Variants in BMP1 observed in about 807,000 individuals in gnomAD.
BMP1 encodes bone morphogenetic protein 1.
A neutral mutation model predicts 116.8 loss-of-function variants in BMP1; 63 were observed. That is an observed-to-expected ratio of 0.54 (90% CI 0.44 to 0.67). The LOEUF (loss-of-function observed/expected upper bound fraction) is 0.67. BMP1 is among the 30% of genes least tolerant of loss of function. The pLI is 0.00. For synonymous variants in BMP1, 536 were observed against 533.4 expected (o/e 1.00, Z -0.07); for missense variants, 1,183 against 1,358.9 (o/e 0.87, Z 2.04).
intron 1 of BMP1, among the ~76,000 whole-genome samples, chr8:22,172,238 T>G (rs987262642): frequency 5.3e-5 from 8 of 152,226 alleles, no homozygotes; most frequent in Non-Finnish European, 1.2e-4. Flanking sequence ...GGGTCCCACC[T>G]GTAGCCCAGC....
chr8:22,204,593 C>T (rs1005042186), intron 16 of BMP1, among the ~76,000 whole-genome samples: 1 of 152,270 alleles, frequency 6.6e-6, no homozygotes, highest in South Asian at 2.1e-4. Context: ...CGTGGTGGCG[C>T]AAGCCTATAG....
intron 2 of BMP1, 26 bp downstream of exon 2, chr8:22,173,741 T>G: frequency 6.4e-7 from 1 of 1,572,342 alleles, no homozygotes. Context: ...ATGGGCCCTC[T>G]GTGTCCTAGA....
Position 22,211,931 on chromosome 8 carries a change from A to T in BMP1, c.*203A>T, listed in dbSNP as rs1829469771. The T allele has an allele frequency of 4.2e-6, 3 of 721,960 alleles. No individual in the cohort carries two copies. In the East Asian group the frequency reaches 8.3e-5, roughly 20 times the overall value. The allele number at this position is 721,960 out of a possible 1,614,324, so 44.7% of individuals were successfully genotyped here. On this transcript the variant is annotated 3_prime_UTR_variant, in exon 20 of 20. Transcript: ENST00000306385. ...CACTTCCCCACAAACCCCCACCAGC[A>T]AGGGGCTGGGGCCAGGGAGCAGAGC...
intron 17 of BMP1, 65 bp downstream of exon 17, chr8:22,207,046 G>C (rs566108371): frequency 6.3e-7 from 1 of 1,590,654 alleles, no homozygotes; most frequent in East Asian, 2.3e-5. Flanking sequence ...ACTGCCCAGA[G>C]CCACACAGGC....
chr8:22,177,481 C>T (rs1388479868), intron 5 of BMP1: 1 of 704,432 alleles, frequency 1.4e-6, no homozygotes, highest in South Asian at 1.4e-5. Flanking sequence ...ACTATCTGCC[C>T]TCTGCCTGGT....
intron 16 of BMP1, among the ~76,000 whole-genome samples, chr8:22,203,371 C>T (rs1352542404): frequency 2.6e-5 from 4 of 152,228 alleles, no homozygotes; most frequent in South Asian, 2.1e-4. Flanking sequence ...GCCTGGCCAG[C>T]GTGATGAAAA....
intron 12 of BMP1, 121 bp from the exon 13 acceptor site, chr8:22,195,341 G>A (rs758804571): frequency 7.7e-7 from 1 of 1,292,714 alleles, no homozygotes; most frequent in Non-Finnish European, 1.1e-6. Context: ...GGAAGGCTCT[G>A]TGGGGTTCCA....
rs545049417 is a variant in BMP1, at chr8:22,187,458, G to A, written c.1078-4591G>A. 5.4e-5 allele frequency among the ~76,000 whole-genome samples: 8 copies of A among 148,560 alleles called. No individual in the cohort carries two copies. In the South Asian group the frequency reaches 1.7e-3, roughly 32 times the overall value. ...CCATTCTCCTGCCTCAGCCTCCTCA[G>A]TAGCTGGGACTACAGGAGCCCGCCA... On this transcript the variant is annotated intron_variant, in intron 8 of 19. Coordinates refer to ENST00000306385, the MANE Select transcript of BMP1 (RefSeq NM_006129.5).
Position 22,176,123 on chromosome 8 carries a change from A to G in BMP1, c.263-20A>G. On this transcript the variant is annotated intron_variant, in intron 2 of 19. Coordinates refer to ENST00000306385, the MANE Select transcript of BMP1 (RefSeq NM_006129.5). ...TCCTCTTTCTCTCCACTCACTAGTC[A>G]CCATGACTTCCTCTCTCAGTTCCAG... is the stretch of plus-strand genomic sequence containing the variant. 6.2e-7 allele frequency: 1 copy of G among 1,613,166 alleles called. No homozygotes were observed.
At chr8:22,197,485 T>C in intron 15 of BMP1, 65 bp downstream of exon 15, 1 of 1,535,394 alleles carries the variant, frequency 6.5e-7, no homozygotes, top group Non-Finnish European at 8.9e-7. Flanking sequence ...CCTTTCTCCC[T>C]GCCCCTGCAC....
chr8:22,201,080 C>G (rs367612024), intron 15 of BMP1: 1 of 1,593,002 alleles, frequency 6.3e-7, no homozygotes, highest in South Asian at 1.1e-5. Flanking sequence ...TCCACCCCCA[C>G]CCCTTGGTCC....
intron 1 of BMP1, among the ~76,000 whole-genome samples, chr8:22,169,114 G>A (rs866078734): frequency 4.6e-5 from 7 of 151,602 alleles, no homozygotes; most frequent in Non-Finnish European, 1.0e-4. Flanking sequence ...CTGAGTCCAG[G>A]AGCTGGAGGC....
chr8:22,204,646 C>G (rs1829319572), intron 16 of BMP1, among the ~76,000 whole-genome samples: 1 of 152,184 alleles, frequency 6.6e-6, no homozygotes, highest in African/African-American at 2.4e-5. Flanking sequence ...TCGCTTGAAC[C>G]TGGGAGGCAG....
intron 8 of BMP1, 63 bp from the exon 9 acceptor site, chr8:22,191,986 G>T (rs1292796305): frequency 4.8e-6 from 7 of 1,447,002 alleles, no homozygotes; most frequent in Non-Finnish European, 6.8e-6. Context: ...TCATCATGGG[G>T]CTGGCAGAGG....
At position 22,194,641 on chromosome 8, in the gene BMP1, G is replaced by C. The variant is rs1265496593; in HGVS notation, c.1443+51G>C. 1 of 1,604,004 alleles carries C rather than the reference G, an allele frequency of 6.2e-7. No individual in the cohort carries two copies. Reference sequence around the variant, plus strand: ...CCTTTGAATCCAGCAGTTGCTCCCTGGGACAGCTGCCTCTCTTTGGGCTCC... The same window carrying C: ...CCTTTGAATCCAGCAGTTGCTCCCTCGGACAGCTGCCTCTCTTTGGGCTCC... On this transcript the variant is annotated intron_variant, in intron 11 of 19. Coordinates refer to ENST00000306385, the MANE Select transcript of BMP1 (RefSeq NM_006129.5). The surrounding 1 kb of genome is among the most constrained non-coding windows in gnomAD (Gnocchi z 4.5).
intron 1 of BMP1, among the ~76,000 whole-genome samples, chr8:22,165,926 T>TGTGTGTGTGTGTGTGTGTGTGTGTGA: frequency 6.7e-6 from 1 of 149,604 alleles, no homozygotes; most frequent in East Asian, 2.0e-4. Context: ...TGTGTGTGTG[T>TGTGTGTGTGTGTGTGTGTGTGTGTGA]TCTTTCCCCT....
chr8:22,200,989 T>TTCCC, intron 15 of BMP1: 1 of 137,110 alleles, frequency 7.3e-6, no homozygotes, highest in Non-Finnish European at 1.4e-5. Flanking sequence ...CCGCCTGCCC[T>TTCCC]CCCGCCCCAC....
intron 8 of BMP1, among the ~76,000 whole-genome samples, chr8:22,187,930 T>C (rs1828822671): frequency 6.6e-6 from 1 of 152,124 alleles, no homozygotes; most frequent in Non-Finnish European, 1.5e-5. Context: ...GAGGAACTGG[T>C]TGATGGGCCT....
At position 22,209,514 on chromosome 8, in the gene BMP1, A is replaced by G. The variant is rs2131904903; in HGVS notation, c.2645A>G (p.Asn882Ser). 1 of 1,614,214 alleles carries G rather than the reference A, an allele frequency of 6.2e-7. No homozygotes were observed. Residue 882 changes from asparagine (N) to serine (S), a missense_variant, in exon 19 of 20, where the codon AAC becomes AGC. Coordinates refer to ENST00000306385, the MANE Select transcript of BMP1 (RefSeq NM_006129.5). Reference sequence around the variant, plus strand: ...TACTCCCACGCCCAGTTTGGCGACAACAACTACCCTGGGGGTGTGGACTGT... The same window carrying G: ...TACTCCCACGCCCAGTTTGGCGACAGCAACTACCCTGGGGGTGTGGACTGT... Reference protein sequence around the residue: ...DLYSHAQFGDNNYPGGVDCEW... With the variant: ...DLYSHAQFGDSNYPGGVDCEW...
Sources: gnomAD v4.1 joint callset for allele counts (sites outside exome capture counted in the v4.1 genomes callset) on GRCh38, gnomAD v4.1.1 for gene constraint, Gnocchi (gnomAD v3.1) non-coding constraint, MANE v1.5 for transcripts, NCBI Gene and HGNC (gene_info 2026-07-23, HGNC 2026-07-21) for gene names.